Variants in PTPRD observed in about 807,000 individuals in gnomAD.
The protein encoded by PTPRD is receptor-type tyrosine-protein phosphatase delta.
PTPRD carries 34 observed loss-of-function variants against 214.5 expected under a neutral mutation model. The ratio of observed to expected loss-of-function variants is 0.16; its 90% CI spans 0.12 to 0.21. The LOEUF (loss-of-function observed/expected upper bound fraction) is 0.21, where lower values mean the gene tolerates loss of function less well. Ranked by LOEUF, PTPRD falls within the 10% of genes least tolerant of loss-of-function variation. The pLI is 1.00. For missense variants in PTPRD, 2,545 were observed against 2,398.7 expected, an observed-to-expected ratio of 1.06 and a Z score of -1.27; for synonymous variants, 1,128 against 845.7, an observed-to-expected ratio of 1.33 and a Z score of -5.79.
rs191833856 is a variant in PTPRD, at chr9:10,419,755, G to T, written c.-599-78738C>A. 5.3e-5 allele frequency among the ~76,000 whole-genome samples: 8 copies of T among 151,690 alleles called. No individual in the cohort carries two copies. In the East Asian group the frequency reaches 1.6e-3, roughly 30 times the overall value. ...CTATGCCATTTTCTTGTTATTTCCTGTGAGCTCATTATTATCATGTACAAT... is the reference window on the plus strand; with the variant it reads ...CTATGCCATTTTCTTGTTATTTCCTTTGAGCTCATTATTATCATGTACAAT... On this transcript the variant is annotated intron_variant, in intron 2 of 45. Transcript: ENST00000381196.
In PTPRD at chr9:8,472,206, A is replaced by G. The variant is rs182791260; in HGVS notation, c.3414-1121T>C. ...TCTGTCTCTTTTTCTTATTTACTCTATGTGTCATAAAGTATTTTCTAAGGA... is the reference window on the plus strand; with the variant it reads ...TCTGTCTCTTTTTCTTATTTACTCTGTGTGTCATAAAGTATTTTCTAAGGA... On this transcript the variant is annotated intron_variant, in intron 30 of 45. Coordinates refer to ENST00000381196, the MANE Select transcript of PTPRD (RefSeq NM_002839.4). 3.9e-5 allele frequency among the ~76,000 whole-genome samples: 6 copies of G among 152,280 alleles called. No homozygotes were observed. In the East Asian group the frequency reaches 5.8e-4, roughly 15 times the overall value.
At chr9:9,224,688 A>G (rs1395018665) in intron 9 of PTPRD, among the ~76,000 whole-genome samples, 2 of 151,998 alleles carry the variant, frequency 1.3e-5, no homozygotes, top group East Asian at 3.9e-4. Flanking sequence ...TCCATTAATG[A>G]CTTTTAAATG....
intron 3 of PTPRD, among the ~76,000 whole-genome samples, chr9:10,196,405 A>G (rs1360761832): frequency 2.0e-5 from 3 of 152,160 alleles, no homozygotes; most frequent in Non-Finnish European, 4.4e-5. Context: ...TGCCAGAAGT[A>G]TTAGTTCCCA....
intron 9 of PTPRD, among the ~76,000 whole-genome samples, chr9:9,338,460 T>A (rs926886262): frequency 3.3e-4 from 50 of 152,278 alleles, no homozygotes; most frequent in African/African-American, 1.2e-3. Context: ...GGCTTTAGGT[T>A]TTTTTAGTTA....
At chr9:8,920,822 A>G (rs949199376) in intron 11 of PTPRD, among the ~76,000 whole-genome samples, 1 of 145,670 alleles carries the variant, frequency 6.9e-6, no homozygotes, top group African/African-American at 2.6e-5. Flanking sequence ...TTTATTTATT[A>G]TTTTATTTTG....
At chr9:9,817,567 A>C (rs1053645424) in intron 5 of PTPRD, among the ~76,000 whole-genome samples, 1 of 152,174 alleles carries the variant, frequency 6.6e-6, no homozygotes, top group African/African-American at 2.4e-5. Context: ...CTGTATTTAC[A>C]CAGATAGGTC....
intron 9 of PTPRD, among the ~76,000 whole-genome samples, chr9:9,333,640 C>A (rs2043251786): frequency 6.6e-6 from 1 of 151,018 alleles, no homozygotes; most frequent in South Asian, 2.1e-4. Context: ...AAACTTATTC[C>A]AGCTGTATGA....
intron 8 of PTPRD, among the ~76,000 whole-genome samples, chr9:9,446,003 G>T (rs1293428057): frequency 6.6e-6 from 1 of 152,098 alleles, no homozygotes; most frequent in African/African-American, 2.4e-5. Context: ...TAATTCAACT[G>T]AATTTAAAGA....
intron 14 of PTPRD, among the ~76,000 whole-genome samples, chr9:8,574,710 A>C (rs1477653460): frequency 6.6e-6 from 1 of 152,086 alleles, no homozygotes; most frequent in Non-Finnish European, 1.5e-5. Context: ...ATTCAGTAAA[A>C]TAAATATCCA....
intron 5 of PTPRD, among the ~76,000 whole-genome samples, chr9:9,907,177 C>T (rs200689348): frequency 3.9e-4 from 19 of 49,050 alleles, no homozygotes; most frequent in South Asian, 3.1e-3. Context: ...TTTTGTTTTG[C>T]GGTGGCAAAC....
chr9:10,115,010 T>C (rs2098719359), intron 3 of PTPRD, among the ~76,000 whole-genome samples: 2 of 150,898 alleles, frequency 1.3e-5, no homozygotes, highest in African/African-American at 4.9e-5. Context: ...GCTTCTTTCT[T>C]GGAGCATTAC....
chr9:8,707,485 T>C (rs979888112), intron 12 of PTPRD, among the ~76,000 whole-genome samples: 11 of 152,252 alleles, frequency 7.2e-5, no homozygotes, highest in South Asian at 2.1e-4. Context: ...GCAGTGTTTC[T>C]TGATTACATT....
chr9:8,500,546 A>G (rs1321130506), intron 24 of PTPRD, among the ~76,000 whole-genome samples: 1 of 125,806 alleles, frequency 7.9e-6, no homozygotes, highest in African/African-American at 2.9e-5. Context: ...CTGCATTGAG[A>G]TTGAAAAAAA....
chr9:9,024,896 A>C (rs74376907), intron 10 of PTPRD, among the ~76,000 whole-genome samples: 6,206 of 152,036 alleles, frequency 0.041, 131 homozygotes, highest in East Asian at 0.069. Flanking sequence ...CATCCTAAAA[A>C]CCAAGGGAAA....
chr9:9,222,879 A>G (rs1181853060), intron 9 of PTPRD, among the ~76,000 whole-genome samples: 2 of 152,072 alleles, frequency 1.3e-5, no homozygotes, highest in Non-Finnish European at 2.9e-5. Context: ...ATTCAAATTT[A>G]TGCCAGAACT....
At chr9:9,154,073 T>G (rs902377292) in intron 10 of PTPRD, among the ~76,000 whole-genome samples, 7 of 152,124 alleles carry the variant, frequency 4.6e-5, no homozygotes, top group Admixed American at 1.3e-4. Flanking sequence ...TTGTGGTGCT[T>G]GATTTGTCTG....
chr9:9,487,827 G>A (rs2095715825), intron 8 of PTPRD, among the ~76,000 whole-genome samples: 1 of 152,156 alleles, frequency 6.6e-6, no homozygotes, highest in Non-Finnish European at 1.5e-5. Context: ...TCAAAACTAA[G>A]TAATATCAGA....
intron 8 of PTPRD, among the ~76,000 whole-genome samples, chr9:9,545,180 A>T (rs2078489865): frequency 6.6e-6 from 1 of 151,688 alleles, no homozygotes; most frequent in South Asian, 2.1e-4. Context: ...CTTAGGGTTC[A>T]CTCTATGCAT....
intron 11 of PTPRD, among the ~76,000 whole-genome samples, chr9:8,757,329 A>C (rs1450610523): frequency 1.3e-5 from 2 of 152,186 alleles, no homozygotes; most frequent in Admixed American, 1.3e-4. Flanking sequence ...ACCCAAATAC[A>C]TGGTTTGAAT....
Sources: allele counts gnomAD v4.1 joint callset (sites outside exome capture counted in the v4.1 genomes callset), GRCh38; gene constraint gnomAD v4.1.1; transcripts MANE v1.5; gene names NCBI Gene and HGNC (gene_info 2026-07-23, HGNC 2026-07-21).